DCC: variants seen among roughly 807,000 people sequenced by gnomAD.
DCC encodes the protein DCC netrin 1 receptor.
DCC carries 58 observed loss-of-function variants against 172.5 expected under a neutral mutation model. The observed-to-expected ratio is 0.34, with a 90% CI of 0.27 to 0.42. The LOEUF (loss-of-function observed/expected upper bound fraction) is 0.42, where lower values mean the gene tolerates loss of function less well. DCC is among the 10% of genes least tolerant of loss of function. DCC has a pLI of 1.00. For synonymous variants in DCC, 709 were observed against 644.5 expected (o/e 1.10, Z -1.52); for missense variants, 1,740 against 1,791.0 (o/e 0.97, Z 0.51).
chr18:53,408,073 A>G (rs1479218883), intron 19 of DCC, among the ~76,000 whole-genome samples: 1 of 152,206 alleles, frequency 6.6e-6, no homozygotes, highest in Non-Finnish European at 1.5e-5. Flanking sequence ...TTGACATCAC[A>G]ACAAATGCCA....
At chr18:53,016,715 C>T (rs1354137180) in intron 5 of DCC, among the ~76,000 whole-genome samples, 4 of 152,046 alleles carry the variant, frequency 2.6e-5, no homozygotes, top group East Asian at 1.9e-4. Context: ...AGAGGAAATG[C>T]TACAGAATCA....
chr18:53,495,903 T>C (rs1042554359), intron 26 of DCC, among the ~76,000 whole-genome samples: 5 of 152,096 alleles, frequency 3.3e-5, no homozygotes, highest in African/African-American at 9.7e-5. Context: ...GCTGGCTCTC[T>C]AGATTCCTCG....
At chr18:53,492,122 G>A (rs996110295) in intron 26 of DCC, among the ~76,000 whole-genome samples, 1 of 152,092 alleles carries the variant, frequency 6.6e-6, no homozygotes, top group African/African-American at 2.4e-5. Context: ...TTTGAGAAGT[G>A]TCTGTTCATA....
intron 16 of DCC, among the ~76,000 whole-genome samples, chr18:53,388,771 T>C (rs192561123): frequency 4.5e-4 from 69 of 152,292 alleles, no homozygotes; most frequent in Admixed American, 3.9e-3. Flanking sequence ...ACATGTAAAA[T>C]TGCATCATTA....
chr18:52,948,595 G>C (rs1183191656), intron 5 of DCC, among the ~76,000 whole-genome samples: 1 of 152,120 alleles, frequency 6.6e-6, no homozygotes, highest in Non-Finnish European at 1.5e-5. Context: ...CTACATCACT[G>C]ATAGATGTCC....
In DCC at chr18:52,479,586, C is replaced by CG. The variant is rs1383586043; in HGVS notation, c.91+138708_91+138709insG. ...TCACTCCCTACCTCCCTCCACCCCC[C>CG]CCCCGTCTCCCTTCCTCTCACTAAG... is the stretch of plus-strand genomic sequence containing the variant. On this transcript the variant is annotated intron_variant, in intron 1 of 28. Transcript: ENST00000442544. Among the ~76,000 whole-genome samples, 24 of 149,650 alleles carry CG rather than the reference C, an allele frequency of 1.6e-4. 2 individuals carry two copies. Among genetic ancestry groups the CG allele is most frequent in the African/African-American group, 5.7e-4 (23 of 40,300 alleles).
chr18:52,897,678 T>G (rs7242967), intron 2 of DCC, among the ~76,000 whole-genome samples: 60,177 of 151,794 alleles, frequency 0.4, 12,456 homozygotes, highest in Non-Finnish European at 0.47. Context: ...TAGAGGTTCA[T>G]TCATTTGGTC....
At chr18:53,160,634 C>G (rs2054822465) in intron 8 of DCC, among the ~76,000 whole-genome samples, 1 of 152,162 alleles carries the variant, frequency 6.6e-6, no homozygotes, top group African/African-American at 2.4e-5. Context: ...TTCATAGCTA[C>G]TAATCTCCTG....
intron 1 of DCC, among the ~76,000 whole-genome samples, chr18:52,448,719 A>G (rs1264871858): frequency 6.6e-6 from 1 of 152,218 alleles, no homozygotes; most frequent in Non-Finnish European, 1.5e-5. Flanking sequence ...CATAATCCAT[A>G]TACAGTTTTT....
intron 2 of DCC, among the ~76,000 whole-genome samples, chr18:52,864,852 T>A (rs1049940682): frequency 2.6e-5 from 4 of 152,008 alleles, no homozygotes; most frequent in Non-Finnish European, 4.4e-5. Flanking sequence ...GCAAAGGATA[T>A]GAACTCATCC....
chr18:53,347,198 C>T (rs1438171351), intron 15 of DCC, among the ~76,000 whole-genome samples: 1 of 152,194 alleles, frequency 6.6e-6, no homozygotes, highest in Non-Finnish European at 1.5e-5. Flanking sequence ...TGACAGCTGA[C>T]AGTACTGGGG....
At chr18:52,853,599 CTCTGTTT>C (rs768136732) in intron 2 of DCC, among the ~76,000 whole-genome samples, 1 of 152,166 alleles carries the variant, frequency 6.6e-6, no homozygotes, top group Non-Finnish European at 1.5e-5. Flanking sequence ...TTTCTCTGTT[CTCTGTTT>C]ACCTCCAGGA....
intron 22 of DCC, 73 bp downstream of exon 22, chr18:53,435,282 A>C: frequency 1.0e-6 from 1 of 986,244 alleles, no homozygotes; most frequent in Non-Finnish European, 1.6e-6. Context: ...GTCTGGGGCA[A>C]ATTTTCTATC....
chr18:53,451,710 G>GCTCTCTCTCTCTCTCT (rs371232356), intron 23 of DCC, among the ~76,000 whole-genome samples: 7 of 147,342 alleles, frequency 4.8e-5, no homozygotes, highest in South Asian at 2.2e-4. Context: ...GCTCGCTCTT[G>GCTCTCTCTCTCTCTCT]CTCTCTCTCT....
chr18:53,481,803 G>C (rs892694427), intron 25 of DCC, among the ~76,000 whole-genome samples: 1 of 152,080 alleles, frequency 6.6e-6, no homozygotes, highest in Non-Finnish European at 1.5e-5. Flanking sequence ...AGAATATTAT[G>C]GAAGTTTTCA....
At position 52,504,614 on chromosome 18, in the gene DCC, T is replaced by A. The variant is rs140989716; in HGVS notation, c.91+163736T>A. On this transcript the variant is annotated intron_variant, in intron 1 of 28. Coordinates refer to ENST00000442544, the MANE Select transcript of DCC (RefSeq NM_005215.4). Reference sequence around the variant, plus strand: ...GCTTGGGGTGACTGTATTTTATAGGTCAAAATCTATTGGAAGATAGAGCAA... The same window carrying A: ...GCTTGGGGTGACTGTATTTTATAGGACAAAATCTATTGGAAGATAGAGCAA... 2.0e-3 allele frequency among the ~76,000 whole-genome samples: 309 copies of A among 152,124 alleles called. 2 individuals carry two copies. Among genetic ancestry groups the A allele is most frequent in the African/African-American group, 7.0e-3 (292 of 41,470 alleles).
chr18:53,486,320 T>G (rs2045899237), intron 25 of DCC, among the ~76,000 whole-genome samples: 1 of 152,236 alleles, frequency 6.6e-6, no homozygotes, highest in Non-Finnish European at 1.5e-5. Context: ...GAAAACACTT[T>G]GCTTCTCTCT....
chr18:52,785,006 T>G (rs2037629450), intron 2 of DCC, among the ~76,000 whole-genome samples: 1 of 151,262 alleles, frequency 6.6e-6, no homozygotes, highest in South Asian at 2.1e-4. Flanking sequence ...GCAGCAGATT[T>G]TATAGGAAGG....
intron 2 of DCC, among the ~76,000 whole-genome samples, chr18:52,794,182 G>A (rs1218531893): frequency 6.6e-6 from 1 of 152,034 alleles, no homozygotes; most frequent in Non-Finnish European, 1.5e-5. Context: ...TTTCTCTTGA[G>A]AACGTCGTTG....
Sources: allele counts gnomAD v4.1 joint callset (sites outside exome capture counted in the v4.1 genomes callset), GRCh38; gene constraint gnomAD v4.1.1; transcripts MANE v1.5; gene names NCBI Gene and HGNC (gene_info 2026-07-23, HGNC 2026-07-21).